ADAMTS3: variants seen among roughly 807,000 people sequenced by gnomAD.
ADAMTS3 encodes ADAM metallopeptidase with thrombospondin type 1 motif 3, also known as A disintegrin and metalloproteinase with thrombospondin motifs 3.
ADAMTS3 carries 73 observed loss-of-function variants against 129.0 expected under a neutral mutation model. That is an observed-to-expected ratio of 0.57 (90% CI 0.47 to 0.69). ADAMTS3 has a LOEUF of 0.69. ADAMTS3 is among the 30% of genes least tolerant of loss of function. The probability of loss-of-function intolerance (pLI) is 0.00; values close to 1 mark genes in which losing one functional copy is unlikely to be tolerated. For missense variants in ADAMTS3, 1,457 were observed against 1,514.5 expected, an observed-to-expected ratio of 0.96 and a Z score of 0.63; for synonymous variants, 477 against 510.8, an observed-to-expected ratio of 0.93 and a Z score of 0.89.
intron 11 of ADAMTS3, among the ~76,000 whole-genome samples, chr4:72,315,131 G>A (rs1719357654): frequency 6.6e-6 from 1 of 152,062 alleles, no homozygotes; most frequent in African/African-American, 2.4e-5. Flanking sequence ...TTATTTCTGG[G>A]CAACTTTCAC....
chr4:72,408,922 G>A (rs767477094), intron 4 of ADAMTS3, among the ~76,000 whole-genome samples: 2 of 152,082 alleles, frequency 1.3e-5, no homozygotes, highest in South Asian at 2.1e-4. Context: ...GTCGGGGGGT[G>A]GGGGCCTAGG....
chr4:72,385,804 C>CA (rs1387391202), intron 4 of ADAMTS3, among the ~76,000 whole-genome samples: 1 of 152,028 alleles, frequency 6.6e-6, no homozygotes, highest in African/African-American at 2.4e-5. Context: ...CAGCATCATG[C>CA]AATATACCCA....
intron 4 of ADAMTS3, among the ~76,000 whole-genome samples, chr4:72,359,977 G>T (rs1363664085): frequency 2.0e-5 from 3 of 151,966 alleles, no homozygotes; most frequent in Non-Finnish European, 2.9e-5. Context: ...TAAGAGGAAG[G>T]CAGAAGGGTG....
At chr4:72,339,717 G>A in intron 4 of ADAMTS3, 24 bp from the exon 5 acceptor site, 1 of 1,603,696 alleles carries the variant, frequency 6.2e-7, no homozygotes, top group South Asian at 1.1e-5. Flanking sequence ...AAAGGAACCA[G>A]GAATTTCAGT....
intron 2 of ADAMTS3, among the ~76,000 whole-genome samples, chr4:72,552,266 A>G (rs971922575): frequency 1.3e-5 from 2 of 152,178 alleles, no homozygotes; most frequent in Non-Finnish European, 2.9e-5. Flanking sequence ...AGTTTCCTCA[A>G]CTGTTAACTG....
intron 4 of ADAMTS3, among the ~76,000 whole-genome samples, chr4:72,363,558 A>C (rs944171814): frequency 6.6e-6 from 1 of 152,164 alleles, no homozygotes; most frequent in Non-Finnish European, 1.5e-5. Context: ...TGTAAAAATA[A>C]ATCTATAAGC....
intron 3 of ADAMTS3, among the ~76,000 whole-genome samples, chr4:72,480,282 C>G (rs563815661): frequency 2.0e-5 from 3 of 152,276 alleles, no homozygotes; most frequent in Non-Finnish European, 4.4e-5. Context: ...ATAGCAAAGA[C>G]TTGGAACCAA....
intron 10 of ADAMTS3, 76 bp downstream of exon 10, chr4:72,318,496 C>T (rs780194222): frequency 5.8e-5 from 86 of 1,489,866 alleles, no homozygotes; most frequent in Admixed American, 2.0e-4. Context: ...ACCAGTGAGT[C>T]TGTAAATCTC....
chr4:72,540,620 C>T (rs1721296516), intron 3 of ADAMTS3, among the ~76,000 whole-genome samples: 1 of 152,152 alleles, frequency 6.6e-6, no homozygotes, highest in African/African-American at 2.4e-5. Context: ...AGGAGGAAAA[C>T]ATGATTTCAT....
intron 17 of ADAMTS3, among the ~76,000 whole-genome samples, chr4:72,300,610 C>A (rs960215027): frequency 6.6e-6 from 1 of 152,056 alleles, no homozygotes; most frequent in Non-Finnish European, 1.5e-5. Flanking sequence ...TAATAAAGGA[C>A]AGACTTCTAA....
chr4:72,406,446 A>G (rs1722055255), intron 4 of ADAMTS3, among the ~76,000 whole-genome samples: 1 of 152,180 alleles, frequency 6.6e-6, no homozygotes. Flanking sequence ...ATTAATATGT[A>G]CCACAATGAA....
chr4:72,502,105 G>T (rs1219020271), intron 3 of ADAMTS3, among the ~76,000 whole-genome samples: 1 of 152,096 alleles, frequency 6.6e-6, no homozygotes, highest in African/African-American at 2.4e-5. Flanking sequence ...CCAGGTTTTG[G>T]TATCAGGGTA....
intron 4 of ADAMTS3, among the ~76,000 whole-genome samples, chr4:72,378,402 A>C (rs1721188956): frequency 6.6e-6 from 1 of 152,214 alleles, no homozygotes; most frequent in African/African-American, 2.4e-5. Context: ...TTGACCAATT[A>C]GTTTATAACA....
At position 72,548,769 on chromosome 4, in the gene ADAMTS3, C is replaced by T. The variant is rs529551142; in HGVS notation, c.213G>A (p.Arg71=). The T allele has an allele frequency of 5.0e-6, 8 of 1,613,812 alleles. 1 individual carries two copies. In the South Asian group the frequency reaches 6.6e-5, roughly 13 times the overall value. The change falls in exon 3 of 22, where the codon AGG becomes AGA. Residue 71 remains arginine (R), a synonymous_variant. Transcript: ENST00000286657. ...ACTGCTCAGGGTTGGAAGACACGTC[C>T]CTCGCTGACCTCTTTTTGTGACTCG... is the stretch of plus-strand genomic sequence containing the variant. The part of the protein sequence containing the change: ...LSASHKKRSA[R]DVSSNPEQLF...
At chr4:72,450,949 C>A (rs57061422) in intron 3 of ADAMTS3, among the ~76,000 whole-genome samples, 9,283 of 54,974 alleles carry the variant, frequency 0.17, 393 homozygotes, top group African/African-American at 0.22. Context: ...GGAAGGAAGG[C>A]AGGCAGGCAG....
intron 12 of ADAMTS3, 91 bp from the exon 13 acceptor site, chr4:72,312,557 G>C: frequency 7.8e-7 from 1 of 1,276,090 alleles, no homozygotes; most frequent in Non-Finnish European, 1.1e-6. Flanking sequence ...CAAAGCCAAA[G>C]TTTCTGGGCT....
intron 11 of ADAMTS3, among the ~76,000 whole-genome samples, chr4:72,314,758 G>A (rs1215096225): frequency 1.3e-5 from 2 of 152,102 alleles, no homozygotes; most frequent in African/African-American, 2.4e-5. Flanking sequence ...GCTTTGCATA[G>A]TGCCTAATAT....
At chr4:72,399,866 G>GTA (rs541119653) in intron 4 of ADAMTS3, among the ~76,000 whole-genome samples, 5,643 of 38,350 alleles carry the variant, frequency 0.15, 1,722 homozygotes, top group Non-Finnish European at 0.22. Flanking sequence ...ATATACGTGT[G>GTA]TATATATACA....
At chr4:72,515,169 C>A (rs557681278) in intron 3 of ADAMTS3, among the ~76,000 whole-genome samples, 1 of 152,258 alleles carries the variant, frequency 6.6e-6, no homozygotes, top group South Asian at 2.1e-4. Flanking sequence ...ATGAACTGAT[C>A]CTTTTTTATG....
Sources: allele counts gnomAD v4.1 joint callset (sites outside exome capture counted in the v4.1 genomes callset), GRCh38; gene constraint gnomAD v4.1.1; transcripts MANE v1.5; gene names NCBI Gene and HGNC (gene_info 2026-07-23, HGNC 2026-07-21).